The following ZNF423 variants were observed in gnomAD, a reference collection of about 807,000 sequenced individuals.
ZNF423 encodes Ebf-associated zinc finger protein.
In ZNF423, 12 loss-of-function variants were observed where a neutral mutation model predicts 95.8. The observed-to-expected ratio is 0.13, with a 90% CI of 0.08 to 0.20. The LOEUF (loss-of-function observed/expected upper bound fraction) is 0.20. ZNF423 is among the 10% of genes least tolerant of loss of function. The pLI is 1.00. For missense variants in ZNF423, 1,316 were observed against 1,737.1 expected (o/e 0.76, Z 4.31); for synonymous variants, 749 against 711.9 (o/e 1.05, Z -0.83).
intron 2 of ZNF423, among the ~76,000 whole-genome samples, chr16:49,778,076 G>T (rs1245304047): frequency 6.6e-6 from 1 of 152,230 alleles, no homozygotes; most frequent in Admixed American, 6.5e-5. Flanking sequence ...GCAGCCATCA[G>T]TTAAAGCAAT....
Position 49,496,197 on chromosome 16 carries a change from A to T in ZNF423, c.3850-4893T>A, listed in dbSNP as rs115036123. Among the ~76,000 whole-genome samples, 584 of 152,344 alleles carry T rather than the reference A, an allele frequency of 3.8e-3. 4 individuals are homozygous for T. The highest frequency in any genetic ancestry group is 0.012 in the African/African-American group (519 of 41,580). On this transcript the variant is annotated intron_variant, in intron 7 of 7. Transcript: ENST00000563137. ...ATCTTGGCTCTGCCACTTACTGGCC[A>T]TGTGGCCTTGGGCAAGTTCTGTGAC...
intron 3 of ZNF423, among the ~76,000 whole-genome samples, chr16:49,710,116 C>G (rs1329245525): frequency 6.6e-6 from 1 of 152,138 alleles, no homozygotes; most frequent in South Asian, 2.1e-4. Context: ...TAAAATAAAC[C>G]AACAAACTCT....
rs1337394014 is a variant in ZNF423 at position 49,819,294 on chromosome 16, C to A, written c.41-29748G>T. 2.6e-5 allele frequency among the ~76,000 whole-genome samples: 4 copies of A among 151,254 alleles called. No homozygotes were observed. The East Asian group carries it at 7.8e-4, about 29-fold the overall frequency. On this transcript the variant is annotated intron_variant, in intron 1 of 7. Transcript: ENST00000563137. ...ATGGCAGTTCCTCAGTCCCACTAGC[C>A]AGGTTTCAAATGCTCAAAACCCATA... is the stretch of plus-strand genomic sequence containing the variant.
At chr16:49,815,050 T>C (rs1206409735) in intron 1 of ZNF423, among the ~76,000 whole-genome samples, 1 of 152,124 alleles carries the variant, frequency 6.6e-6, no homozygotes, top group Non-Finnish European at 1.5e-5. Context: ...GGCCTCAGGG[T>C]CTGGGATGAA....
chr16:49,739,695 G>GTTTTTTTTTTTTTTTTTTTT lies in ZNF423; in HGVS notation c.101-8725_101-8724insAAAAAAAAAAAAAAAAAAAA, dbSNP rs1567321248. 1.5e-5 allele frequency among the ~76,000 whole-genome samples: 2 copies of GTTTTTTTTTTTTTTTTTTTT among 132,734 alleles called. 1 individual carries two copies. The highest frequency in any genetic ancestry group is 3.2e-5 in the Non-Finnish European group (2 of 63,136). 87.1% of individuals were successfully genotyped at this position (132,734 alleles called of 152,430 possible). On this transcript the variant is annotated intron_variant, in intron 2 of 7. Coordinates refer to ENST00000563137, the MANE Select transcript of ZNF423 (RefSeq NM_001379286.1). ...CACGTTTGTTTTTTTGTTTTTGTTT[G>GTTTTTTTTTTTTTTTTTTTT]GTTTTTTTTTTTTTTTTTTTGGAGA...
chr16:49,569,751 T>G (rs1047091340), intron 5 of ZNF423, among the ~76,000 whole-genome samples: 1 of 152,212 alleles, frequency 6.6e-6, no homozygotes, highest in Non-Finnish European at 1.5e-5. Context: ...ACTGGCAGCT[T>G]AAACGGGCCA....
chr16:49,821,572 G>A (rs191670946), intron 1 of ZNF423, among the ~76,000 whole-genome samples: 222 of 152,282 alleles, frequency 1.5e-3, no homozygotes, highest in African/African-American at 5.2e-3. Flanking sequence ...GATGAACGGA[G>A]GGTCTCACTC....
chr16:49,816,427 C>T lies in ZNF423; in HGVS notation c.41-26881G>A, dbSNP rs11642375. On this transcript the variant is annotated intron_variant, in intron 1 of 7. Coordinates refer to ENST00000563137, the MANE Select transcript of ZNF423 (RefSeq NM_001379286.1). Reference sequence around the variant, plus strand: ...ATAAAGCAATGTCTTGCCCAGGTGACTAAAATTCCACCATTAGCTACTAAT... The same window carrying T: ...ATAAAGCAATGTCTTGCCCAGGTGATTAAAATTCCACCATTAGCTACTAAT... Among the ~76,000 whole-genome samples, 137 of 152,254 alleles carry T rather than the reference C, an allele frequency of 9.0e-4. 1 individual carries two copies. Among genetic ancestry groups the T allele is most frequent in the Non-Finnish European group, 1.6e-3 (107 of 68,024 alleles).
chr16:49,642,698 G>A (rs568548216), intron 3 of ZNF423, among the ~76,000 whole-genome samples: 3 of 152,110 alleles, frequency 2.0e-5, no homozygotes, highest in Admixed American at 2.0e-4. Context: ...TTTGCTTTGG[G>A]GGGACTTAGC....
At chr16:49,629,746 G>C (rs1972435613) in intron 4 of ZNF423, among the ~76,000 whole-genome samples, 1 of 152,218 alleles carries the variant, frequency 6.6e-6, no homozygotes, top group South Asian at 2.1e-4. Context: ...AGCATTTGCT[G>C]AACACATAAA....
intron 5 of ZNF423, among the ~76,000 whole-genome samples, chr16:49,535,262 G>A (rs1402777119): frequency 6.6e-6 from 1 of 152,194 alleles, no homozygotes; most frequent in Non-Finnish European, 1.5e-5. Context: ...AGCTAGCACT[G>A]AGGTGCAAGC....
At chr16:49,532,010 T>G (rs1968864380) in intron 5 of ZNF423, among the ~76,000 whole-genome samples, 1 of 152,200 alleles carries the variant, frequency 6.6e-6, no homozygotes, top group African/African-American at 2.4e-5. Flanking sequence ...GACGCTGATA[T>G]TGTTGGAATC....
intron 1 of ZNF423, among the ~76,000 whole-genome samples, chr16:49,808,585 G>A (rs531576851): frequency 3.9e-5 from 6 of 152,168 alleles, no homozygotes; most frequent in South Asian, 2.1e-4. Context: ...ATGGATCTCC[G>A]GGAACCCACT....
chr16:49,830,464 A>T (rs141293026), intron 1 of ZNF423, among the ~76,000 whole-genome samples: 1 of 152,246 alleles, frequency 6.6e-6, no homozygotes, highest in Non-Finnish European at 1.5e-5. Context: ...TTTTGCTTGA[A>T]CATCCCCAGA....
intron 5 of ZNF423, among the ~76,000 whole-genome samples, chr16:49,620,188 CACACAT>C (rs944940133): frequency 6.7e-6 from 1 of 148,428 alleles, no homozygotes; most frequent in South Asian, 2.1e-4. Flanking sequence ...CACACATACA[CACACAT>C]ACACATACAC....
At chr16:49,609,963 T>C (rs1971670479) in intron 5 of ZNF423, among the ~76,000 whole-genome samples, 1 of 151,968 alleles carries the variant, frequency 6.6e-6, no homozygotes, top group Admixed American at 6.5e-5. Context: ...TTATACACAG[T>C]GAAAAAATAA....
intron 5 of ZNF423, among the ~76,000 whole-genome samples, chr16:49,565,217 C>T (rs1970151892): frequency 1.3e-5 from 2 of 152,242 alleles, no homozygotes; most frequent in African/African-American, 4.8e-5. Context: ...TGCAAACCCA[C>T]ACTTCGGCAG....
At chr16:49,808,513 G>T (rs976510092) in intron 1 of ZNF423, among the ~76,000 whole-genome samples, 1 of 152,162 alleles carries the variant, frequency 6.6e-6, no homozygotes, top group African/African-American at 2.4e-5. Context: ...CCCATTTTGG[G>T]GACAGTGGGC....
chr16:49,783,385 G>T (rs2034247706), intron 2 of ZNF423, among the ~76,000 whole-genome samples: 1 of 147,568 alleles, frequency 6.8e-6, no homozygotes, highest in African/African-American at 2.5e-5. Flanking sequence ...GGATGGGCGG[G>T]AAAGAGGGGC....
Sources: gnomAD v4.1 joint callset for allele counts (sites outside exome capture counted in the v4.1 genomes callset) on GRCh38, gnomAD v4.1.1 for gene constraint, MANE v1.5 for transcripts, NCBI Gene and HGNC (gene_info 2026-07-23, HGNC 2026-07-21) for gene names.